Variants in MGAT4C observed in about 807,000 individuals in gnomAD.
The protein encoded by MGAT4C is MGAT4 family member C.
MGAT4C carries 19 observed loss-of-function variants against 40.1 expected under a neutral mutation model. The observed-to-expected ratio is 0.47, with a 90% CI of 0.33 to 0.70. The LOEUF is 0.70. MGAT4C is among the 30% of genes least tolerant of loss of function. The pLI is 0.02. For missense variants in MGAT4C, 491 were observed against 563.2 expected (o/e 0.87, Z 1.30); for synonymous variants, 181 against 187.1 (o/e 0.97, Z 0.27).
At chr12:86,174,500 T>C (rs539238979) in intron 1 of MGAT4C, among the ~76,000 whole-genome samples, 50 of 152,276 alleles carry the variant, frequency 3.3e-4, no homozygotes, top group Non-Finnish European at 7.2e-4. Flanking sequence ...TTTTTAGCAC[T>C]TGGTGAACAT....
At chr12:86,019,053 G>T (rs1002903208) in intron 2 of MGAT4C, among the ~76,000 whole-genome samples, 3 of 151,946 alleles carry the variant, frequency 2.0e-5, no homozygotes, top group East Asian at 1.9e-4. Context: ...CTGAAAAAGG[G>T]CCTGGTTAGA....
In MGAT4C at chr12:86,100,478, A is replaced by G. The variant is rs559326622; in HGVS notation, c.-56-50755T>C. On this transcript the variant is annotated intron_variant, in intron 1 of 4. Coordinates refer to ENST00000611864, the MANE Select transcript of MGAT4C (RefSeq NM_001351288.2). ...TTACAGGCTAATTCCAAAAAAGACAATATTTTCCCCTTTTGCCTGCCCCCA... is the reference window on the plus strand; with the variant it reads ...TTACAGGCTAATTCCAAAAAAGACAGTATTTTCCCCTTTTGCCTGCCCCCA... Among the ~76,000 whole-genome samples the G allele has an allele frequency of 5.3e-5, 8 of 151,558 alleles. No homozygotes were observed. In the East Asian group the frequency reaches 1.2e-3, roughly 22 times the overall value.
At chr12:86,400,351 A>C (rs1420203523) in intron 3 of MGAT4C, among the ~76,000 whole-genome samples, 3 of 152,218 alleles carry the variant, frequency 2.0e-5, no homozygotes, top group Non-Finnish European at 4.4e-5. Flanking sequence ...TTACTAAATA[A>C]AGACTGTATT....
intron 2 of MGAT4C, chr12:86,013,771 A>G: frequency 1.0e-6 from 1 of 984,530 alleles, no homozygotes; most frequent in African/African-American, 1.7e-5. Context: ...TAGTGAAAAA[A>G]AAAAAAAAGA....
chr12:86,672,111 T>C (rs2114893), intron 2 of MGAT4C, among the ~76,000 whole-genome samples: 118,293 of 151,900 alleles, frequency 0.78, 47,410 homozygotes, highest in Middle Eastern at 0.88. Flanking sequence ...GGAACAAAAC[T>C]AGAAATTAAA....
intron 4 of MGAT4C, among the ~76,000 whole-genome samples, chr12:85,982,494 T>C (rs1303656268): frequency 6.6e-6 from 1 of 152,188 alleles, no homozygotes; most frequent in African/African-American, 2.4e-5. Context: ...CAGCCTAAGA[T>C]TTATATTTTA....
intron 4 of MGAT4C, among the ~76,000 whole-genome samples, chr12:86,289,494 G>T (rs934884857): frequency 9.9e-5 from 15 of 151,910 alleles, no homozygotes; most frequent in Non-Finnish European, 2.2e-4. Flanking sequence ...AATTGCTTTG[G>T]GCCGTATGAC....
chr12:85,993,450 A>G (rs1429405101), intron 2 of MGAT4C, among the ~76,000 whole-genome samples: 3 of 152,184 alleles, frequency 2.0e-5, no homozygotes, highest in African/African-American at 7.2e-5. Flanking sequence ...AAGGCTTACA[A>G]GGGATTGGGT....
rs2136635175 is a variant in MGAT4C, at chr12:85,957,233, T to A, written c.*22056A>T. ...AGGAAAGTTTATGTTTAATTTTTAT[T>A]TTATTTTCTTCATCTGTAAATAAAG... On this transcript the variant is annotated 3_prime_UTR_variant, in exon 5 of 5. Coordinates refer to ENST00000611864, the MANE Select transcript of MGAT4C (RefSeq NM_001351288.2). 6.6e-6 allele frequency: 1 copy of A among 152,328 alleles called. No individual in the cohort carries two copies. Among genetic ancestry groups the A allele is most frequent in the Admixed American group, 6.5e-5 (1 of 15,294 alleles). The allele number at this position is 152,328 out of a possible 1,614,324, so 9.4% of individuals were successfully genotyped here.
chr12:86,823,063 T>C (rs1229031281), intron 1 of MGAT4C, among the ~76,000 whole-genome samples: 1 of 147,036 alleles, frequency 6.8e-6, no homozygotes, highest in Non-Finnish European at 1.5e-5. Flanking sequence ...AAAAAGAAAT[T>C]AGAAAAATGC....
chr12:86,437,941 A>G (rs1488271638), intron 2 of MGAT4C, among the ~76,000 whole-genome samples: 1 of 151,900 alleles, frequency 6.6e-6, no homozygotes, highest in African/African-American at 2.4e-5. Flanking sequence ...AAAAATATTG[A>G]AATTTAGCTG....
At chr12:86,616,328 T>C (rs979521635) in intron 2 of MGAT4C, among the ~76,000 whole-genome samples, 3 of 152,088 alleles carry the variant, frequency 2.0e-5, no homozygotes, top group African/African-American at 7.2e-5. Flanking sequence ...TAATTCTAGA[T>C]TAGACAAATT....
chr12:86,080,787 A>C (rs1378647506), intron 1 of MGAT4C, among the ~76,000 whole-genome samples: 3 of 152,206 alleles, frequency 2.0e-5, no homozygotes, highest in Non-Finnish European at 4.4e-5. Flanking sequence ...TCAAATCAAT[A>C]TGTTACCCCA....
chr12:86,651,731 T>A (rs1963704316), intron 2 of MGAT4C, among the ~76,000 whole-genome samples: 1 of 151,818 alleles, frequency 6.6e-6, no homozygotes, highest in African/African-American at 2.4e-5. Flanking sequence ...GGTGGATGGG[T>A]GATTAAAATA....
intron 1 of MGAT4C, among the ~76,000 whole-genome samples, chr12:86,808,271 A>G (rs1056244511): frequency 2.6e-5 from 4 of 152,104 alleles, no homozygotes; most frequent in African/African-American, 9.6e-5. Flanking sequence ...TCTCTAACTC[A>G]TTCTATGAGG....
intron 1 of MGAT4C, among the ~76,000 whole-genome samples, chr12:86,784,980 T>G (rs1951907764): frequency 2.6e-5 from 4 of 151,998 alleles, no homozygotes; most frequent in Admixed American, 2.6e-4. Flanking sequence ...TAGACAGATT[T>G]GGACCTTCTG....
chr12:86,490,633 T>C (rs1958114219), intron 2 of MGAT4C, among the ~76,000 whole-genome samples: 1 of 152,040 alleles, frequency 6.6e-6, no homozygotes, highest in African/African-American at 2.4e-5. Flanking sequence ...ACTGGCAAAT[T>C]GGATAAAGAG....
intron 3 of MGAT4C, among the ~76,000 whole-genome samples, chr12:86,343,461 T>C (rs763015216): frequency 6.6e-6 from 1 of 152,230 alleles, no homozygotes; most frequent in Non-Finnish European, 1.5e-5. Context: ...AACTGTTTTT[T>C]TTAACAAAAC....
At chr12:86,070,912 A>G (rs1430810754) in intron 1 of MGAT4C, among the ~76,000 whole-genome samples, 1 of 152,074 alleles carries the variant, frequency 6.6e-6, no homozygotes, top group Non-Finnish European at 1.5e-5. Context: ...TTGCCTATGG[A>G]AGAGTATGTA....
Sources: allele counts gnomAD v4.1 joint callset (sites outside exome capture counted in the v4.1 genomes callset), GRCh38; gene constraint gnomAD v4.1.1; transcripts MANE v1.5; gene names NCBI Gene and HGNC (gene_info 2026-07-23, HGNC 2026-07-21).